The following CNTN5 variants were observed in gnomAD, a reference collection of about 807,000 sequenced individuals.
CNTN5 encodes contactin 5, also known as contactin-5.
Under a neutral mutation model 129.1 loss-of-function variants are expected in CNTN5, and 77 were observed. That is an observed-to-expected ratio of 0.60 (90% CI 0.50 to 0.72). The LOEUF (loss-of-function observed/expected upper bound fraction) is 0.72, where lower values mean the gene tolerates loss of function less well. Among genes scored for constraint, CNTN5 ranks in the 30% least tolerant of loss-of-function variants. CNTN5 has a pLI of 0.00. For synonymous variants in CNTN5, 509 were observed against 465.6 expected (o/e 1.09, Z -1.20); for missense variants, 1,478 against 1,328.8 (o/e 1.11, Z -1.75).
intron 3 of CNTN5, among the ~76,000 whole-genome samples, chr11:99,617,466 A>G (rs1464835278): frequency 2.0e-5 from 3 of 152,230 alleles, no homozygotes; most frequent in Admixed American, 2.0e-4. Flanking sequence ...AGGCTCTGAC[A>G]AAGTTTCCAT....
intron 1 of CNTN5, among the ~76,000 whole-genome samples, chr11:99,296,767 T>C (rs781563789): frequency 2.0e-5 from 3 of 152,202 alleles, no homozygotes; most frequent in Non-Finnish European, 2.9e-5. Context: ...TTTTTAACCA[T>C]AGTACTCTTT....
intron 1 of CNTN5, among the ~76,000 whole-genome samples, chr11:99,178,059 C>T (rs552382319): frequency 1.3e-5 from 2 of 151,922 alleles, no homozygotes; most frequent in Admixed American, 6.6e-5. Flanking sequence ...AAAACACTAT[C>T]GATTATGTAA....
At chr11:99,329,633 A>G (rs904881541) in intron 2 of CNTN5, among the ~76,000 whole-genome samples, 1 of 152,154 alleles carries the variant, frequency 6.6e-6, no homozygotes, top group Non-Finnish European at 1.5e-5. Flanking sequence ...AGACAGACAA[A>G]TTCTTAACTA....
chr11:100,317,964 G>A (rs1023477295), intron 21 of CNTN5, among the ~76,000 whole-genome samples: 2 of 152,078 alleles, frequency 1.3e-5, no homozygotes, highest in African/African-American at 2.4e-5. Flanking sequence ...TTTCTCGGCT[G>A]GGCGCGATGG....
At chr11:99,659,982 C>G (rs911419490) in intron 3 of CNTN5, among the ~76,000 whole-genome samples, 2 of 151,978 alleles carry the variant, frequency 1.3e-5, no homozygotes, top group African/African-American at 4.8e-5. Flanking sequence ...GCAAAGGCAA[C>G]TGAGCAGAGG....
At chr11:99,458,713 A>G (rs751795241) in intron 2 of CNTN5, among the ~76,000 whole-genome samples, 12 of 151,998 alleles carry the variant, frequency 7.9e-5, no homozygotes, top group African/African-American at 9.7e-5. Flanking sequence ...AGAACATACT[A>G]TGGAACCATA....
rs181050292 is a variant in CNTN5, at chr11:100,045,736, A to T, written c.981-15476A>T. On this transcript the variant is annotated intron_variant, in intron 9 of 24. Transcript: ENST00000524871. Reference sequence around the variant, plus strand: ...ATTTATTATTAAAAAAAAAAAAAAGAGTTCTGCTAGAAATCTACTAGAGAT... The same window carrying T: ...ATTTATTATTAAAAAAAAAAAAAAGTGTTCTGCTAGAAATCTACTAGAGAT... Among the ~76,000 whole-genome samples the T allele has an allele frequency of 8.3e-3, 1,238 of 148,430 alleles. 14 individuals carry two copies. The highest frequency in any genetic ancestry group is 0.026 in the African/African-American group (1,048 of 40,718).
In CNTN5 at chr11:99,664,277, C is replaced by T. The variant is rs539306235; in HGVS notation, c.55+108008C>T. 1.2e-3 allele frequency among the ~76,000 whole-genome samples: 184 copies of T among 152,224 alleles called. 1 individual carries two copies. Among genetic ancestry groups the T allele is most frequent in the Middle Eastern group, 0.01 (3 of 294 alleles). ...GCATTATTGTTTACATATGATTGTG[C>T]TGCCCGAGTTCCCACTCAGTGGTCC... On this transcript the variant is annotated intron_variant, in intron 3 of 24. Coordinates refer to ENST00000524871, the MANE Select transcript of CNTN5 (RefSeq NM_014361.4).
chr11:99,446,885 C>G (rs988541047), intron 2 of CNTN5, among the ~76,000 whole-genome samples: 33 of 152,292 alleles, frequency 2.2e-4, no homozygotes, highest in African/African-American at 7.5e-4. Flanking sequence ...ACTTCTTAGC[C>G]TGGCTTTCAA....
chr11:99,662,471 A>G (rs1312589146), intron 3 of CNTN5, among the ~76,000 whole-genome samples: 1 of 152,218 alleles, frequency 6.6e-6, no homozygotes, highest in East Asian at 1.9e-4. Context: ...AAATACATTT[A>G]AAACGTAACA....
chr11:100,088,819 T>C (rs1020833758), intron 13 of CNTN5, among the ~76,000 whole-genome samples: 1 of 152,024 alleles, frequency 6.6e-6, no homozygotes, highest in African/African-American at 2.4e-5. Context: ...AAGAAAGAGC[T>C]GATATCAATT....
intron 10 of CNTN5, among the ~76,000 whole-genome samples, chr11:100,063,106 G>T (rs1943548193): frequency 6.6e-6 from 1 of 152,024 alleles, no homozygotes; most frequent in South Asian, 2.1e-4. Flanking sequence ...TCGAAGAATG[G>T]CCCACACCTA....
intron 3 of CNTN5, among the ~76,000 whole-genome samples, chr11:99,761,441 G>C (rs1481642902): frequency 6.6e-6 from 1 of 151,968 alleles, no homozygotes; most frequent in African/African-American, 2.4e-5. Context: ...ACAGTCCCCA[G>C]AGTGTGATGT....
chr11:100,081,847 T>G (rs1944378211), intron 13 of CNTN5, among the ~76,000 whole-genome samples: 1 of 152,216 alleles, frequency 6.6e-6, no homozygotes, highest in Non-Finnish European at 1.5e-5. Context: ...TTAGTAGACC[T>G]TGAGCGTTTG....
chr11:99,783,713 C>T (rs1302302710), intron 3 of CNTN5, among the ~76,000 whole-genome samples: 10 of 146,792 alleles, frequency 6.8e-5, no homozygotes, highest in South Asian at 2.2e-4. Flanking sequence ...AGTAAACTAC[C>T]GCAAGAACAA....
chr11:100,103,633 G>T (rs1408382510), intron 13 of CNTN5, among the ~76,000 whole-genome samples: 1 of 152,122 alleles, frequency 6.6e-6, no homozygotes, highest in African/African-American at 2.4e-5. Flanking sequence ...ATTCACCTTT[G>T]CAAGGAGTAG....
chr11:100,304,280 TAA>T (rs1327591562), intron 20 of CNTN5, among the ~76,000 whole-genome samples: 9 of 151,710 alleles, frequency 5.9e-5, no homozygotes, highest in East Asian at 1.9e-4. Flanking sequence ...GGTTTCCCTC[TAA>T]GTCTTTGATT....
At chr11:99,758,184 A>G (rs1944464372) in intron 3 of CNTN5, among the ~76,000 whole-genome samples, 1 of 152,060 alleles carries the variant, frequency 6.6e-6, no homozygotes, top group Non-Finnish European at 1.5e-5. Flanking sequence ...CTCAAGGTTG[A>G]CCTTAATGAC....
chr11:99,906,663 A>C (rs541896147), intron 6 of CNTN5, among the ~76,000 whole-genome samples: 1 of 152,304 alleles, frequency 6.6e-6, no homozygotes, highest in South Asian at 2.1e-4. Flanking sequence ...CCCTCATAAA[A>C]TGAGTTAGAG....
Sources: allele counts gnomAD v4.1 joint callset (sites outside exome capture counted in the v4.1 genomes callset), GRCh38; gene constraint gnomAD v4.1.1; transcripts MANE v1.5; gene names NCBI Gene and HGNC (gene_info 2026-07-23, HGNC 2026-07-21).